PIK3C2G: variants seen among roughly 807,000 people sequenced by gnomAD.
PIK3C2G encodes the protein phosphatidylinositol 3-kinase C2 domain-containing subunit gamma.
Under a neutral mutation model 181.1 loss-of-function variants are expected in PIK3C2G, and 168 were observed. The observed-to-expected ratio is 0.93, with a 90% CI of 0.82 to 1.05. PIK3C2G has a LOEUF of 1.05. Among genes scored for constraint, PIK3C2G ranks in the 50% least tolerant of loss-of-function variants. PIK3C2G has a pLI of 0.00. For synonymous variants in PIK3C2G, 573 were observed against 592.2 expected (o/e 0.97, Z 0.47); for missense variants, 1,869 against 1,732.8 (o/e 1.08, Z -1.40).
chr12:18,492,663 G>A (rs1465859346), intron 20 of PIK3C2G, among the ~76,000 whole-genome samples: 2 of 152,136 alleles, frequency 1.3e-5, no homozygotes, highest in Admixed American at 1.3e-4. Flanking sequence ...AAGAACAACA[G>A]GGATCACTGA....
the PIK3C2G span, among the ~76,000 whole-genome samples, chr12:18,724,771 T>C: frequency 6.6e-6 from 1 of 152,146 alleles, no homozygotes; most frequent in Admixed American, 6.6e-5. Flanking sequence ...TTCTTATTTG[T>C]CATAAAATCT....
chr12:18,535,665 C>T lies in PIK3C2G; in HGVS notation c.3324-2491C>T, dbSNP rs187168290. Among the ~76,000 whole-genome samples, 577 of 152,054 alleles carry T rather than the reference C, an allele frequency of 3.8e-3. 2 individuals carry two copies. The highest frequency in any genetic ancestry group is 6.4e-3 in the Non-Finnish European group (438 of 67,968). On this transcript the variant is annotated intron_variant, in intron 24 of 32. Coordinates refer to ENST00000538779, the MANE Select transcript of PIK3C2G (RefSeq NM_001288772.2). Reference sequence around the variant, plus strand: ...ATTAATACTCTTCTAAAATTATTTCCGAAGTTCTACTTGATATAGTAAACA... The same window carrying T: ...ATTAATACTCTTCTAAAATTATTTCTGAAGTTCTACTTGATATAGTAAACA...
At chr12:18,711,050 C>T in the PIK3C2G span, among the ~76,000 whole-genome samples, 57 of 152,074 alleles carry the variant, frequency 3.7e-4, no homozygotes, top group Middle Eastern at 0.01. Context: ...ACCCAAAGGA[C>T]TATAAATCAT....
At chr12:18,343,219 T>C in intron 9 of PIK3C2G, 108 bp from the exon 10 acceptor site, 1 of 645,746 alleles carries the variant, frequency 1.5e-6, no homozygotes. Flanking sequence ...TATTTTGTTG[T>C]TTTACCATGA....
intron 16 of PIK3C2G, 62 bp downstream of exon 16, chr12:18,399,909 T>C (rs1482218126): frequency 1.0e-6 from 1 of 969,792 alleles, no homozygotes; most frequent in Non-Finnish European, 1.5e-6. Context: ...AAGAGAACTA[T>C]AGAACCATAT....
chr12:18,582,493 C>T (rs961809300), intron 29 of PIK3C2G, among the ~76,000 whole-genome samples: 1 of 152,136 alleles, frequency 6.6e-6, no homozygotes, highest in East Asian at 1.9e-4. Context: ...GCACCAGGAG[C>T]TTTAGATACC....
At chr12:18,668,784 T>A in the PIK3C2G span, among the ~76,000 whole-genome samples, 2 of 152,178 alleles carry the variant, frequency 1.3e-5, no homozygotes, top group Admixed American at 6.6e-5. Flanking sequence ...CCTGCTGATA[T>A]TCACCTCAGG....
the PIK3C2G span, among the ~76,000 whole-genome samples, chr12:18,689,035 T>G: frequency 6.6e-6 from 1 of 152,076 alleles, no homozygotes; most frequent in African/African-American, 2.4e-5. Context: ...TAATGTGTGA[T>G]TTTTCCTAAT....
chr12:18,408,773 T>C (rs1944687640), intron 16 of PIK3C2G, among the ~76,000 whole-genome samples: 2 of 152,162 alleles, frequency 1.3e-5, no homozygotes, highest in South Asian at 4.1e-4. Context: ...AAGACATTTA[T>C]TCAGCCAACA....
intron 29 of PIK3C2G, among the ~76,000 whole-genome samples, chr12:18,577,992 G>A (rs1387847717): frequency 2.0e-5 from 3 of 152,122 alleles, no homozygotes; most frequent in Admixed American, 6.6e-5. Context: ...CTCTGGCCAG[G>A]GGTGCCAAAA....
At chr12:18,513,105 T>G (rs1080253) in intron 24 of PIK3C2G, among the ~76,000 whole-genome samples, 91,090 of 151,552 alleles carry the variant, frequency 0.6, 27,865 homozygotes, top group East Asian at 0.93. Flanking sequence ...TTTATTAATC[T>G]GGGTATGTTG....
intron 18 of PIK3C2G, among the ~76,000 whole-genome samples, chr12:18,487,659 T>C (rs1450439966): frequency 6.6e-6 from 1 of 152,150 alleles, no homozygotes; most frequent in Non-Finnish European, 1.5e-5. Context: ...CAATGTTTTC[T>C]CACTTCGTCG....
chr12:18,294,437 C>T (rs1278711754), intron 5 of PIK3C2G, among the ~76,000 whole-genome samples: 1 of 151,872 alleles, frequency 6.6e-6, no homozygotes, highest in Non-Finnish European at 1.5e-5. Context: ...ATAATACTTG[C>T]ATGTTGATTA....
intron 31 of PIK3C2G, among the ~76,000 whole-genome samples, chr12:18,614,602 T>C (rs1195280165): frequency 6.6e-6 from 1 of 152,144 alleles, no homozygotes; most frequent in Non-Finnish European, 1.5e-5. Context: ...AGTGGCTTAA[T>C]AAATGTTGGC....
chr12:18,372,938 C>T (rs926701541), intron 13 of PIK3C2G, among the ~76,000 whole-genome samples: 3 of 151,978 alleles, frequency 2.0e-5, no homozygotes, highest in Non-Finnish European at 4.4e-5. Context: ...TAAGGGGATG[C>T]GTCAAAATTG....
At chr12:18,422,459 T>C (rs1945543283) in intron 17 of PIK3C2G, among the ~76,000 whole-genome samples, 1 of 152,132 alleles carries the variant, frequency 6.6e-6, no homozygotes, top group African/African-American at 2.4e-5. Context: ...TTTTGTTACG[T>C]ATTATCATGT....
chr12:18,331,636 C>T (rs1426358586), intron 8 of PIK3C2G, among the ~76,000 whole-genome samples: 1 of 151,932 alleles, frequency 6.6e-6, no homozygotes, highest in African/African-American at 2.4e-5. Flanking sequence ...TAGTCTATAG[C>T]CCTCTTATTT....
intron 24 of PIK3C2G, among the ~76,000 whole-genome samples, chr12:18,506,711 A>G (rs1284336915): frequency 1.3e-5 from 2 of 152,236 alleles, no homozygotes; most frequent in Non-Finnish European, 2.9e-5. Flanking sequence ...TTAAGCCGAA[A>G]GTAAGGAAAT....
intron 1 of PIK3C2G, among the ~76,000 whole-genome samples, chr12:18,278,000 C>T (rs1456214483): frequency 6.6e-6 from 1 of 152,110 alleles, no homozygotes; most frequent in East Asian, 1.9e-4. Flanking sequence ...ACTTTCCAAC[C>T]AATAATAGAG....
Sources: gnomAD v4.1 joint callset for allele counts (sites outside exome capture counted in the v4.1 genomes callset) on GRCh38, gnomAD v4.1.1 for gene constraint, MANE v1.5 for transcripts, NCBI Gene and HGNC (gene_info 2026-07-23, HGNC 2026-07-21) for gene names.